The following RSPH1 variants were observed in gnomAD, a reference collection of about 807,000 sequenced individuals.
RSPH1 encodes the protein radial spoke head component 1.
RSPH1 carries 32 observed loss-of-function variants against 44.2 expected under a neutral mutation model. The observed-to-expected ratio is 0.72, with a 90% CI of 0.55 to 0.97. The LOEUF (loss-of-function observed/expected upper bound fraction) is 0.97, where lower values mean the gene tolerates loss of function less well. Among genes scored for constraint, RSPH1 ranks in the 50% least tolerant of loss-of-function variants. The pLI is 0.00. For missense variants in RSPH1, 391 were observed against 398.7 expected (o/e 0.98, Z 0.16); for synonymous variants, 134 against 147.3 (o/e 0.91, Z 0.65).
chr21:42,480,588 C>A (rs1417341134), intron 6 of RSPH1, among the ~76,000 whole-genome samples: 1 of 130,358 alleles, frequency 7.7e-6, no homozygotes, highest in Non-Finnish European at 1.5e-5. Context: ...TGCGTTGAGC[C>A]GAGATCACGC....
chr21:42,486,029 C>G (rs376727403), intron 4 of RSPH1: 4 of 611,964 alleles, frequency 6.5e-6, no homozygotes, highest in East Asian at 5.6e-5. Context: ...CAGAGGCAAG[C>G]CTCCTGTGTG....
chr21:42,482,514 TG>T, intron 6 of RSPH1, 122 bp downstream of exon 6: 1 of 645,132 alleles, frequency 1.6e-6, no homozygotes, highest in Non-Finnish European at 2.7e-6. Context: ...AAAATGAAAA[TG>T]TGAAAGTGCC....
chr21:42,491,346 G>A (rs1055347705), intron 3 of RSPH1, among the ~76,000 whole-genome samples: 39 of 152,200 alleles, frequency 2.6e-4, no homozygotes, highest in African/African-American at 7.5e-4. Flanking sequence ...ACAGAAGACT[G>A]GAGAAGTACA....
At chr21:42,492,723 G>A in intron 3 of RSPH1, 35 bp downstream of exon 3, 1 of 1,293,842 alleles carries the variant, frequency 7.7e-7, no homozygotes, top group Non-Finnish European at 1.1e-6. Context: ...AAAAACTTCT[G>A]TAACACGAAA....
chr21:42,487,431 A>G (rs2054191444), intron 3 of RSPH1, among the ~76,000 whole-genome samples: 1 of 152,254 alleles, frequency 6.6e-6, no homozygotes, highest in Non-Finnish European at 1.5e-5. Context: ...TTGATCAAAG[A>G]GAAAAGAAGG....
At chr21:42,492,118 G>A (rs2054242004) in intron 3 of RSPH1, among the ~76,000 whole-genome samples, 1 of 152,250 alleles carries the variant, frequency 6.6e-6, no homozygotes, top group African/African-American at 2.4e-5. Flanking sequence ...ACTTTCTGAA[G>A]ACTCACAACA....
intron 3 of RSPH1, among the ~76,000 whole-genome samples, chr21:42,491,709 C>T (rs969642715): frequency 2.0e-5 from 3 of 152,182 alleles, no homozygotes; most frequent in Non-Finnish European, 4.4e-5. Context: ...TGGACAGAAT[C>T]ATCACTGACA....
In RSPH1 at chr21:42,496,159, C is replaced by T. The variant is rs548062155; in HGVS notation, c.28G>A (p.Glu10Lys). The stretch of plus-strand genomic sequence containing the variant: ...CCAATATCATTCTCTCCCTCCTCCT[C>T]CAACTCCTCCGAGCCCAGGTCCGAC... The part of the protein sequence containing the change: MSDLGSEEL[E>K]EEGENDIGEY... Residue 10 changes from glutamate (E) to lysine (K), a missense_variant, in exon 1 of 9, where the codon GAG (glutamate) becomes AAG (lysine). Coordinates refer to ENST00000291536, the MANE Select transcript of RSPH1 (RefSeq NM_080860.4). 1 of 1,614,176 alleles carries T rather than the reference C, an allele frequency of 6.2e-7. No homozygotes were observed. The highest frequency in any genetic ancestry group is 1.1e-5 in the South Asian group (1 of 91,090).
In RSPH1 at chr21:42,496,157, C is replaced by G; in HGVS notation, c.30G>C (p.Glu10Asp). The G allele has an allele frequency of 1.2e-6, 2 of 1,614,186 alleles. No individual in the cohort carries two copies. The highest frequency in any genetic ancestry group is 1.7e-6 in the Non-Finnish European group (2 of 1,180,016). Residue 10 changes from glutamate to aspartate, a missense_variant, in exon 1 of 9, where the codon GAG (glutamate) becomes GAC (aspartate). Physicochemically the swap from Glu to Asp is conservative, Grantham distance 45. Transcript: ENST00000291536. The stretch of plus-strand genomic sequence containing the variant: ...CCCCAATATCATTCTCTCCCTCCTC[C>G]TCCAACTCCTCCGAGCCCAGGTCCG... MSDLGSEELEEEGENDIGEY... is the reference protein window; with the variant it reads MSDLGSEELDEEGENDIGEY...
rs539117574 is a variant in RSPH1 at position 42,493,023 on chromosome 21, C to T, written c.111G>A (p.Arg37=). The change falls in exon 2 of 9, where the codon CGG becomes CGA. Residue 37 remains arginine (R), a synonymous_variant. Transcript: ENST00000291536. The part of the protein sequence containing the change: ...AGERHGRGRA[R]LPNGDTYEGS... ...CTTCGTAGGTGTCCCCGTTGGGTAGCCGTGCCCTCCCACGTCCGTGCCTTT... is the reference window on the plus strand; with the variant it reads ...CTTCGTAGGTGTCCCCGTTGGGTAGTCGTGCCCTCCCACGTCCGTGCCTTT... 4.3e-6 allele frequency: 7 copies of T among 1,614,182 alleles called. No homozygotes were observed. The highest frequency in any genetic ancestry group is 1.6e-4 in the Middle Eastern group (1 of 6,062).
chr21:42,488,500 T>C (rs559994937), intron 3 of RSPH1, among the ~76,000 whole-genome samples: 1 of 152,150 alleles, frequency 6.6e-6, no homozygotes, highest in Non-Finnish European at 1.5e-5. Context: ...CAACAAAACT[T>C]CATGACAAAA....
At position 42,496,187 on chromosome 21, in the gene RSPH1, G is replaced by A. The variant is rs1052418829; in HGVS notation, c.-1C>T. ...ACTCCTCCGAGCCCAGGTCCGACAT[G>A]GTCTCGCCCCAGCCTGGATCACAGC... On this transcript the variant is annotated 5_prime_UTR_variant, in exon 1 of 9. Transcript: ENST00000291536. The A allele has an allele frequency of 6.2e-7, 1 of 1,614,178 alleles. No homozygotes were observed. The highest frequency in any genetic ancestry group is 1.3e-5 in the African/African-American group (1 of 75,050).
At chr21:42,491,036 C>A (rs1214311350) in intron 3 of RSPH1, among the ~76,000 whole-genome samples, 1 of 152,180 alleles carries the variant, frequency 6.6e-6, no homozygotes, top group East Asian at 1.9e-4. Context: ...CCCTCTGTAC[C>A]TCTGAATCTG....
intron 3 of RSPH1, among the ~76,000 whole-genome samples, chr21:42,490,280 A>G (rs1162142014): frequency 1.3e-5 from 2 of 152,138 alleles, no homozygotes; most frequent in African/African-American, 4.8e-5. Flanking sequence ...CATCTGGGAG[A>G]CAGGTAGGGT....
intron 5 of RSPH1, among the ~76,000 whole-genome samples, chr21:42,483,014 T>G (rs993044148): frequency 6.6e-6 from 1 of 152,236 alleles, no homozygotes; most frequent in African/African-American, 2.4e-5. Flanking sequence ...AATATTTTGA[T>G]GCATTCTTTG....
intron 5 of RSPH1, 37 bp from the exon 6 acceptor site, chr21:42,482,745 C>A: frequency 1.3e-6 from 2 of 1,493,652 alleles, no homozygotes; most frequent in Non-Finnish European, 1.9e-6. Flanking sequence ...AGTGTCAACA[C>A]CCAGCAGAAA....
At chr21:42,492,707 A>G in intron 3 of RSPH1, 51 bp downstream of exon 3, 1 of 1,084,364 alleles carries the variant, frequency 9.2e-7, no homozygotes, top group East Asian at 2.4e-5. Flanking sequence ...TCAGTCATAA[A>G]GAAAGAAAAA....
At chr21:42,477,222 T>A (rs532561393) in intron 7 of RSPH1, 69 bp downstream of exon 7, 2 of 24,554 alleles carry the variant, frequency 8.1e-5, no homozygotes, top group Non-Finnish European at 1.2e-4. Flanking sequence ...CCACACCCTC[T>A]GTCCCACAGC....
chr21:42,482,545 T>C (rs1211121724), intron 6 of RSPH1, 92 bp downstream of exon 6: 1 of 871,324 alleles, frequency 1.1e-6, no homozygotes, highest in Admixed American at 2.4e-5. Context: ...GCATAACTTT[T>C]AGGCGAATCA....
Sources: allele counts gnomAD v4.1 joint callset (sites outside exome capture counted in the v4.1 genomes callset), GRCh38; gene constraint gnomAD v4.1.1; transcripts MANE v1.5; gene names NCBI Gene and HGNC (gene_info 2026-07-23, HGNC 2026-07-21).